Variants in RABGAP1L observed in about 807,000 individuals in gnomAD.
RABGAP1L encodes the protein rab GTPase-activating protein 1-like.
A neutral mutation model predicts 137.7 loss-of-function variants in RABGAP1L; 63 were observed. That is an observed-to-expected ratio of 0.46 (90% confidence interval 0.37 to 0.56). The LOEUF (loss-of-function observed/expected upper bound fraction) is 0.56, where lower values mean the gene tolerates loss of function less well. RABGAP1L is among the 20% of genes least tolerant of loss of function. The pLI is 0.00. For missense variants in RABGAP1L, 1,095 were observed against 1,244.0 expected (o/e 0.88, Z 1.80); for synonymous variants, 431 against 433.7 (o/e 0.99, Z 0.08).
At chr1:174,672,889 C>T (rs1677293085) in intron 14 of RABGAP1L, among the ~76,000 whole-genome samples, 1 of 152,160 alleles carries the variant, frequency 6.6e-6, no homozygotes, top group African/African-American at 2.4e-5. Context: ...ACTTATCATT[C>T]ATGTAACATG....
At chr1:174,188,246 A>T (rs1017615406) in intron 1 of RABGAP1L, among the ~76,000 whole-genome samples, 5 of 152,320 alleles carry the variant, frequency 3.3e-5, no homozygotes, top group African/African-American at 1.2e-4. Context: ...GGCTAATTTA[A>T]TTCAAATCTT....
At chr1:174,323,680 A>G (rs1271874545) in intron 11 of RABGAP1L, among the ~76,000 whole-genome samples, 1 of 152,148 alleles carries the variant, frequency 6.6e-6, no homozygotes, top group Admixed American at 6.5e-5. Flanking sequence ...TATGTTATCA[A>G]TGAACTCTAG....
chr1:174,710,726 T>G (rs561965596), intron 17 of RABGAP1L, among the ~76,000 whole-genome samples: 7 of 152,172 alleles, frequency 4.6e-5, no homozygotes, highest in Admixed American at 3.9e-4. Context: ...CAAAACAAAT[T>G]GTAAAGACCA....
intron 13 of RABGAP1L, among the ~76,000 whole-genome samples, chr1:174,462,434 T>G (rs1187354097): frequency 6.6e-6 from 1 of 152,192 alleles, no homozygotes; most frequent in Non-Finnish European, 1.5e-5. Context: ...AACTTCATCT[T>G]GTTAGAGTTG....
At chr1:174,432,336 T>C (rs1443506972) in intron 13 of RABGAP1L, among the ~76,000 whole-genome samples, 4 of 152,144 alleles carry the variant, frequency 2.6e-5, no homozygotes, top group African/African-American at 4.8e-5. Flanking sequence ...GTGTACCACA[T>C]TTCTTTGTCC....
intron 13 of RABGAP1L, among the ~76,000 whole-genome samples, chr1:174,615,634 T>C (rs537299353): frequency 1.2e-3 from 181 of 152,284 alleles, no homozygotes; most frequent in African/African-American, 4.1e-3. Context: ...TTTAAGTCTG[T>C]GGAGGTTACT....
At chr1:174,699,671 T>G in intron 16 of RABGAP1L, 21 bp downstream of exon 16, 1 of 1,581,172 alleles carries the variant, frequency 6.3e-7, no homozygotes, top group South Asian at 1.1e-5. Flanking sequence ...ATTAGGAACT[T>G]TTATCACTCA....
Position 174,959,420 on chromosome 1 carries a change from G to C in RABGAP1L, c.2433+1871G>C, listed in dbSNP as rs118181195. Among the ~76,000 whole-genome samples, 319 of 152,216 alleles carry C rather than the reference G, an allele frequency of 2.1e-3. 9 individuals are homozygous for C. In the East Asian group the frequency reaches 0.056, roughly 27 times the overall value. ...ACCAAACTTGTACATTTAAAATCAG[G>C]CTGGAATTGAACTTGTTATTGTGTC... On this transcript the variant is annotated intron_variant, in intron 20 of 25. Transcript: ENST00000681986.
chr1:174,395,804 C>G (rs974818552), intron 13 of RABGAP1L, among the ~76,000 whole-genome samples: 1 of 142,602 alleles, frequency 7.0e-6, no homozygotes, highest in Non-Finnish European at 1.5e-5. Flanking sequence ...AGCCACTACA[C>G]TTTGGCTTGG....
At chr1:174,307,073 A>G (rs1477724625) in intron 11 of RABGAP1L, among the ~76,000 whole-genome samples, 3 of 150,148 alleles carry the variant, frequency 2.0e-5, no homozygotes, top group East Asian at 2.0e-4. Flanking sequence ...AACTTATTTG[A>G]GTCTTACAAT....
At chr1:174,283,077 A>T (rs754689163) in intron 10 of RABGAP1L, among the ~76,000 whole-genome samples, 27 of 151,946 alleles carry the variant, frequency 1.8e-4, no homozygotes, top group Non-Finnish European at 3.7e-4. Context: ...TTTCCATCTG[A>T]ATTTTAGGAT....
At chr1:174,582,928 A>G (rs1200980306) in intron 13 of RABGAP1L, among the ~76,000 whole-genome samples, 1 of 152,206 alleles carries the variant, frequency 6.6e-6, no homozygotes, top group Non-Finnish European at 1.5e-5. Flanking sequence ...AACCAAAAAT[A>G]GCAATGCAAA....
At chr1:174,524,417 T>C (rs1663701092) in intron 13 of RABGAP1L, among the ~76,000 whole-genome samples, 1 of 152,112 alleles carries the variant, frequency 6.6e-6, no homozygotes, top group African/African-American at 2.4e-5. Context: ...TGTTGAACAT[T>C]TTTTTATATA....
chr1:174,883,941 GA>G (rs1558187883), intron 19 of RABGAP1L, among the ~76,000 whole-genome samples: 3 of 152,156 alleles, frequency 2.0e-5, no homozygotes, highest in Non-Finnish European at 4.4e-5. Flanking sequence ...TACAAAAGTG[GA>G]GATTGCTATA....
chr1:174,174,415 G>A (rs1055989760), intron 1 of RABGAP1L, among the ~76,000 whole-genome samples: 1 of 152,170 alleles, frequency 6.6e-6, no homozygotes, highest in Non-Finnish European at 1.5e-5. Flanking sequence ...ATTCTTCAGA[G>A]AAACAGAACC....
intron 10 of RABGAP1L, among the ~76,000 whole-genome samples, chr1:174,289,108 G>A (rs911814127): frequency 6.6e-6 from 1 of 152,156 alleles, no homozygotes; most frequent in African/African-American, 2.4e-5. Flanking sequence ...CACAATCATA[G>A]TTCACTGTAA....
At position 174,682,317 on chromosome 1, in the gene RABGAP1L, T is replaced by C. The variant is rs541346301; in HGVS notation, c.1825-1205T>C. Among the ~76,000 whole-genome samples the C allele has an allele frequency of 5.2e-3, 777 of 148,630 alleles. 3 individuals are homozygous for C. The highest frequency in any genetic ancestry group is 0.024 in the South Asian group (113 of 4,640). On this transcript the variant is annotated intron_variant, in intron 14 of 25. Transcript: ENST00000681986. The stretch of plus-strand genomic sequence containing the variant: ...CTCTCTATACATACATATATATATA[T>C]ACACACACACACACACACACACATA...
intron 1 of RABGAP1L, among the ~76,000 whole-genome samples, chr1:174,173,291 C>T (rs149743502): frequency 0.015 from 2,216 of 151,928 alleles, 62 homozygotes; most frequent in African/African-American, 0.051. Context: ...CCACCATGCC[C>T]GGCTAGTTTT....
chr1:174,622,316 A>G (rs537756870), intron 13 of RABGAP1L, among the ~76,000 whole-genome samples: 1 of 152,224 alleles, frequency 6.6e-6, no homozygotes, highest in Non-Finnish European at 1.5e-5. Flanking sequence ...AGGATCTAGA[A>G]CTAGGAATAC....
Sources: allele counts gnomAD v4.1 joint callset (sites outside exome capture counted in the v4.1 genomes callset), GRCh38; gene constraint gnomAD v4.1.1; transcripts MANE v1.5; gene names NCBI Gene and HGNC (gene_info 2026-07-23, HGNC 2026-07-21).